Variants in AGBL5 observed in about 807,000 individuals in gnomAD.
The protein encoded by AGBL5 is cytosolic carboxypeptidase-like protein 5.
Under a neutral mutation model 88.0 loss-of-function variants are expected in AGBL5, and 51 were observed. That is an observed-to-expected ratio of 0.58 (90% CI 0.46 to 0.73). The LOEUF (loss-of-function observed/expected upper bound fraction) is 0.73. AGBL5 is among the 30% of genes least tolerant of loss of function. The pLI, the probability that AGBL5 is intolerant of heterozygous loss-of-function variation, is 0.00. For synonymous variants in AGBL5, 446 were observed against 438.8 expected (o/e 1.02, Z -0.21); for missense variants, 1,031 against 1,162.2 (o/e 0.89, Z 1.64).
At chr2:27,051,264 G>C (rs755430699), upstream of AGBL5, among the ~76,000 whole-genome samples, 14 of 152,198 alleles carry the variant, frequency 9.2e-5, no homozygotes, top group East Asian at 3.8e-4. Flanking sequence ...GAGAGGTAGC[G>C]GGATCGATGC....
chr2:27,058,347 A>C, intron 9 of AGBL5, 53 bp from the exon 10 acceptor site: 1 of 1,602,188 alleles, frequency 6.2e-7, no homozygotes, highest in South Asian at 1.1e-5. Context: ...ACCCCAAGGT[A>C]GCAGCCTGGA....
chr2:27,069,430 C>T (rs1669164751), intron 13 of AGBL5, 143 bp from the exon 14 acceptor site: 3 of 1,512,616 alleles, frequency 2.0e-6, no homozygotes, highest in African/African-American at 1.4e-5. Context: ...CTTGCCTCAC[C>T]CTCTCAGCTA....
chr2:27,067,814 T>C, intron 12 of AGBL5, 168 bp downstream of exon 12: 1 of 773,520 alleles, frequency 1.3e-6, no homozygotes, highest in Non-Finnish European at 2.3e-6. Flanking sequence ...AATGTGTCTG[T>C]GTAATAAAAC....
chr2:27,056,515 G>A, intron 7 of AGBL5, 108 bp from the exon 8 acceptor site: 1 of 956,470 alleles, frequency 1.0e-6, no homozygotes, highest in Non-Finnish European at 1.5e-6. Context: ...TAATGGTTGT[G>A]ATGGTATCTG....
Position 27,053,459 on chromosome 2 carries a change from C to T in AGBL5, c.273C>T (p.Asn91=), listed in dbSNP as rs1365319850. Residue 91 remains asparagine (N), a synonymous_variant, in exon 3 of 15, where the codon AAC becomes AAT. Transcript: ENST00000360131. This position sits in a 1 kb window ranked among gnomAD's most constrained non-coding sequence, Gnocchi z 4.9. ...GGMPGKLIKI[N]IMNMNKQSKL... is the part of the protein sequence containing the mutation. ...TGCCAGGAAAACTCATCAAGATCAA[C>T]ATTATGAACATGAACAAGCAGAGCA... 6.2e-7 allele frequency: 1 copy of T among 1,614,134 alleles called. No homozygotes were observed. The highest frequency in any genetic ancestry group is 8.5e-7 in the Non-Finnish European group (1 of 1,180,032).
chr2:27,064,183 G>A (rs1027772050), intron 11 of AGBL5, among the ~76,000 whole-genome samples: 9 of 152,058 alleles, frequency 5.9e-5, no homozygotes, highest in African/African-American at 2.2e-4. Flanking sequence ...TCTGTCATTG[G>A]TGGTAGCTAA....
At chr2:27,051,233 T>G (rs981189593), upstream of AGBL5, among the ~76,000 whole-genome samples, 1 of 151,984 alleles carries the variant, frequency 6.6e-6, no homozygotes, top group East Asian at 1.9e-4. Flanking sequence ...GCTCAAATGG[T>G]AGAGCGCTCG....
chr2:27,067,859 C>G, intron 12 of AGBL5: 1 of 651,224 alleles, frequency 1.5e-6, no homozygotes, highest in East Asian at 2.9e-5. Flanking sequence ...TACTATGTGC[C>G]AGGCACTGCT....
rs755758224 is a variant in AGBL5 at position 27,070,541 on chromosome 2, C to T, written c.*278C>T. The T allele has an allele frequency of 4.4e-4, 177 of 403,812 alleles. No individual in the cohort carries two copies. The highest frequency in any genetic ancestry group is 9.0e-5 in the Non-Finnish European group (20 of 222,002). 25.0% of individuals were successfully genotyped at this position (403,812 alleles called of 1,614,324 possible). A position where few individuals can be genotyped will look rare whatever the true frequency, so the allele number is the denominator to read the frequency against. On this transcript the variant is annotated 3_prime_UTR_variant, in exon 15 of 15. Coordinates refer to ENST00000360131, the MANE Select transcript of AGBL5 (RefSeq NM_021831.6). Reference sequence around the variant, plus strand: ...GGGAGTAGAAAAGCAAGCCCCTATACTGGGCCCTATTCAGTGGCAGCTTCT... The same window carrying T: ...GGGAGTAGAAAAGCAAGCCCCTATATTGGGCCCTATTCAGTGGCAGCTTCT...
chr2:27,053,153 G>A lies in AGBL5; in HGVS notation c.195G>A (p.Thr65=). Residue 65 remains threonine (T), a synonymous_variant, in exon 2 of 15, where the codon ACG becomes ACA. Transcript: ENST00000360131. This position sits in a 1 kb window ranked among gnomAD's most constrained non-coding sequence, Gnocchi z 4.9. ...NVWTRPDCAE[T]EFENGNRSWF... ...GGACCCGACCAGACTGTGCTGAAAC[G>A]GAATTTGAGAATGGGAACAGGTATA... 4 of 1,599,856 alleles carry A rather than the reference G, an allele frequency of 2.5e-6. No homozygotes were observed. Among genetic ancestry groups the A allele is most frequent in the South Asian group, 2.2e-5 (2 of 89,322 alleles).
intron 8 of AGBL5, 191 bp downstream of exon 8, chr2:27,056,983 C>A: frequency 1.7e-6 from 1 of 582,004 alleles, no homozygotes; most frequent in Non-Finnish European, 2.7e-6. Context: ...GCAACAAGAG[C>A]GAAACTCCGT....
At position 27,058,591 on chromosome 2, in the gene AGBL5, CAA is replaced by C; in HGVS notation, c.1866_1867del (p.His624GlnfsTer19). 1 of 1,613,990 alleles carries C rather than the reference CAA, an allele frequency of 6.2e-7. No individual in the cohort carries two copies. Among genetic ancestry groups the C allele is most frequent in the Non-Finnish European group, 8.5e-7 (1 of 1,180,014 alleles). ...NKKRGLRTPPKSHNGLPVSCS... is the reference protein window; with the variant it reads ...NKKRGLRTPPXSHNGLPVSCS... ...AGAAGAGGGGCCTTCGAACTCCACC[CAA>C]AAGTCACAAGTAAGGCCAGCAAAAT... On this transcript the variant is annotated frameshift_variant, in exon 10 of 15. Transcript: ENST00000360131. LOFTEE classifies it high-confidence loss of function.
Position 27,053,181 on chromosome 2 carries a change from G to A in AGBL5, c.215+8G>A. 17 of 1,575,570 alleles carry A rather than the reference G, an allele frequency of 1.1e-5. No homozygotes were observed. The highest frequency in any genetic ancestry group is 1.4e-5 in the Non-Finnish European group (16 of 1,157,528). On this transcript the variant is annotated splice_region_variant and intron_variant, in intron 2 of 14. Transcript: ENST00000360131. The surrounding 1 kb of genome is among the most constrained non-coding windows in gnomAD (Gnocchi z 4.9). Reference sequence around the variant, plus strand: ...ATTTGAGAATGGGAACAGGTATATGGAACGAAATGGAGGGTGGAAAAAGGC... The same window carrying A: ...ATTTGAGAATGGGAACAGGTATATGAAACGAAATGGAGGGTGGAAAAAGGC...
chr2:27,055,574 C>T, intron 6 of AGBL5, 108 bp from the exon 7 acceptor site: 1 of 1,020,094 alleles, frequency 9.8e-7, no homozygotes, highest in East Asian at 2.5e-5. Flanking sequence ...ATAGCTTCAG[C>T]CTCTCATTTG....
At chr2:27,056,384 C>A (rs1279934714) in intron 7 of AGBL5, 4 of 589,962 alleles carry the variant, frequency 6.8e-6, no homozygotes, top group African/African-American at 5.6e-5. Context: ...GTCTGGGAAT[C>A]CAGAGAAGGA....
intron 12 of AGBL5, among the ~76,000 whole-genome samples, chr2:27,068,208 C>T (rs1044443275): frequency 1.8e-4 from 28 of 152,192 alleles, no homozygotes; most frequent in African/African-American, 6.5e-4. Context: ...TAGCACTGAA[C>T]CCACCAGTCC....
rs556079736 is a variant in AGBL5, at chr2:27,058,464, T to C, written c.1736T>C (p.Val579Ala). The change falls in exon 10 of 15, where the codon GTA (valine) becomes GCA (alanine). Residue 579 changes from valine to alanine, a missense_variant. By Grantham distance (64) the Val-to-Ala change is moderately conservative. Coordinates refer to ENST00000360131, the MANE Select transcript of AGBL5 (RefSeq NM_021831.6). ...GAATGTAATCCGTGGCCCCGAATTG[T>C]ACTGTCAGAGCACAGCAGCCTTACT... ...MAECNPWPRIVLSEHSSLTNL... is the reference protein window; with the variant it reads ...MAECNPWPRIALSEHSSLTNL... 38 of 1,614,008 alleles carry C rather than the reference T, an allele frequency of 2.4e-5. No homozygotes were observed. Among genetic ancestry groups the C allele is most frequent in the African/African-American group, 2.7e-5 (2 of 74,932 alleles).
chr2:27,053,645 T>A lies in AGBL5; in HGVS notation c.387+72T>A. 2 of 1,534,158 alleles carry A rather than the reference T, an allele frequency of 1.3e-6. No homozygotes were observed. The highest frequency in any genetic ancestry group is 2.3e-5 in the East Asian group (1 of 44,198). On this transcript the variant is annotated intron_variant, in intron 3 of 14. Coordinates refer to ENST00000360131, the MANE Select transcript of AGBL5 (RefSeq NM_021831.6). This position sits in a 1 kb window ranked among gnomAD's most constrained non-coding sequence, Gnocchi z 4.9. ...GAGAGGAAAGTAAAGCGTTTTTTTT[T>A]CCTTGATACAAGTATGAAGCAGGTG...
At chr2:27,065,460 T>C (rs2148298706) in intron 11 of AGBL5, among the ~76,000 whole-genome samples, 1 of 152,344 alleles carries the variant, frequency 6.6e-6, no homozygotes, top group South Asian at 2.1e-4. Flanking sequence ...TCATGGTGTC[T>C]GCTGTTCAAG....
Sources: gnomAD v4.1 joint callset for allele counts (sites outside exome capture counted in the v4.1 genomes callset) on GRCh38, gnomAD v4.1.1 for gene constraint, Gnocchi (gnomAD v3.1) non-coding constraint, MANE v1.5 for transcripts, NCBI Gene and HGNC (gene_info 2026-07-23, HGNC 2026-07-21) for gene names.